ATRNL1: variants seen among roughly 807,000 people sequenced by gnomAD.
ATRNL1 encodes attractin like 1, also known as attractin-like protein 1.
A neutral mutation model predicts 182.7 loss-of-function variants in ATRNL1; 95 were observed. The observed-to-expected ratio is 0.52, with a 90% CI of 0.44 to 0.62. The LOEUF (loss-of-function observed/expected upper bound fraction) is 0.62, where lower values mean the gene tolerates loss of function less well. Ranked by LOEUF, ATRNL1 falls within the 20% of genes least tolerant of loss-of-function variation. The probability of loss-of-function intolerance (pLI) is 0.00; values close to 1 mark genes in which losing one functional copy is unlikely to be tolerated. For synonymous variants in ATRNL1, 576 were observed against 568.3 expected, an observed-to-expected ratio of 1.01 and a Z score of -0.19; for missense variants, 1,471 against 1,679.5, an observed-to-expected ratio of 0.88 and a Z score of 2.17.
At chr10:115,536,915 T>G (rs1205110507) in intron 25 of ATRNL1, among the ~76,000 whole-genome samples, 1 of 152,194 alleles carries the variant, frequency 6.6e-6, no homozygotes, top group Non-Finnish European at 1.5e-5. Context: ...GCCAAAAAGT[T>G]TTTTAAACAA....
At chr10:115,300,997 T>A (rs1554924301) in intron 16 of ATRNL1, among the ~76,000 whole-genome samples, 3 of 152,296 alleles carry the variant, frequency 2.0e-5, no homozygotes, top group African/African-American at 4.8e-5. Flanking sequence ...ATACAGTATA[T>A]GTGCTTTGTG....
intron 26 of ATRNL1, among the ~76,000 whole-genome samples, chr10:115,622,148 A>C (rs56158529): frequency 0.011 from 1,663 of 152,312 alleles, 30 homozygotes; most frequent in African/African-American, 0.038. Context: ...CTCCGAAGAC[A>C]CTGAGTTTAT....
intron 20 of ATRNL1, among the ~76,000 whole-genome samples, chr10:115,395,740 G>C (rs1554955363): frequency 6.6e-6 from 1 of 151,450 alleles, no homozygotes. Context: ...TTAGCATTTA[G>C]TTTTTATTCT....
chr10:115,885,559 T>C (rs1214467329), intron 28 of ATRNL1, among the ~76,000 whole-genome samples: 1 of 152,230 alleles, frequency 6.6e-6, no homozygotes, highest in Non-Finnish European at 1.5e-5. Flanking sequence ...TGCTAACATA[T>C]ATTCATCGTG....
At chr10:115,803,600 T>G (rs1034963326) in intron 27 of ATRNL1, among the ~76,000 whole-genome samples, 10 of 84,874 alleles carry the variant, frequency 1.2e-4, no homozygotes, top group East Asian at 3.0e-4. Context: ...TTTTTTTGTG[T>G]TTTTTTTTTA....
At chr10:115,361,644 G>C (rs782158077) in intron 19 of ATRNL1, among the ~76,000 whole-genome samples, 5 of 151,950 alleles carry the variant, frequency 3.3e-5, no homozygotes, top group African/African-American at 1.2e-4. Context: ...GAGAATCATA[G>C]AAAAATTGGA....
At chr10:115,617,923 G>A (rs1372384273) in intron 26 of ATRNL1, among the ~76,000 whole-genome samples, 3 of 152,164 alleles carry the variant, frequency 2.0e-5, no homozygotes, top group Admixed American at 2.0e-4. Context: ...TCTTGTGGAA[G>A]GTTATTGGAT....
chr10:115,666,545 A>G (rs921900380), intron 26 of ATRNL1, among the ~76,000 whole-genome samples: 4 of 152,182 alleles, frequency 2.6e-5, no homozygotes, highest in Admixed American at 2.0e-4. Flanking sequence ...CAAAACACAT[A>G]AAGAAATTAG....
chr10:115,437,514 A>G (rs1185947027), intron 21 of ATRNL1, among the ~76,000 whole-genome samples: 1 of 151,988 alleles, frequency 6.6e-6, no homozygotes, highest in Non-Finnish European at 1.5e-5. Flanking sequence ...CTGTTAAAAT[A>G]CTTGTACTTT....
At position 115,535,228 on chromosome 10, in the gene ATRNL1, G is replaced by T. The variant is rs1368549040; in HGVS notation, c.3717-14230G>T. ...TTTCCAACTTGGCTCCATTCTCCCC[G>T]TCACTTTCAGGTACACCGATCAGAC... On this transcript the variant is annotated intron_variant, in intron 25 of 28. Coordinates refer to ENST00000355044, the MANE Select transcript of ATRNL1 (RefSeq NM_207303.4). Among the ~76,000 whole-genome samples the T allele has an allele frequency of 2.0e-5, 3 of 152,188 alleles. No individual in the cohort carries two copies. The South Asian group carries it at 6.2e-4, about 32-fold the overall frequency.
intron 10 of ATRNL1, among the ~76,000 whole-genome samples, chr10:115,248,844 T>C (rs989102923): frequency 3.0e-4 from 45 of 152,186 alleles, no homozygotes; most frequent in African/African-American, 1.1e-3. Flanking sequence ...CATCCAGAAA[T>C]GTAATTTTCT....
chr10:115,153,336 G>C (rs1360230970), intron 5 of ATRNL1, among the ~76,000 whole-genome samples: 4 of 152,210 alleles, frequency 2.6e-5, no homozygotes, highest in Middle Eastern at 3.4e-3. Flanking sequence ...GGCTGTGAAT[G>C]TGTCTGGTCC....
chr10:115,360,376 A>G (rs1472234632), intron 19 of ATRNL1, among the ~76,000 whole-genome samples: 1 of 151,714 alleles, frequency 6.6e-6, no homozygotes, highest in African/African-American at 2.4e-5. Flanking sequence ...GAAAATACAA[A>G]CAGTTCCCCC....
At position 115,561,704 on chromosome 10, in the gene ATRNL1, G is replaced by GGGGTGTGTGTGT. The variant is rs1554999765; in HGVS notation, c.3795+12169_3795+12170insGGTGTGTGTGTG. On this transcript the variant is annotated intron_variant, in intron 26 of 28. Coordinates refer to ENST00000355044, the MANE Select transcript of ATRNL1 (RefSeq NM_207303.4). ...GTGTGTGTGTGGGTGTGTGTGTGTG[G>GGGGTGTGTGTGT]GTGTGTGTGTGTGTGTGTGTTTGTG... is the stretch of plus-strand genomic sequence containing the variant. 8.2e-3 allele frequency among the ~76,000 whole-genome samples: 1,195 copies of GGGGTGTGTGTGT among 145,020 alleles called. 7 individuals carry two copies. Among genetic ancestry groups the GGGGTGTGTGTGT allele is most frequent in the Middle Eastern group, 0.014 (4 of 284 alleles).
intron 8 of ATRNL1, among the ~76,000 whole-genome samples, chr10:115,195,179 A>G (rs1195319231): frequency 6.6e-6 from 1 of 152,016 alleles, no homozygotes; most frequent in African/African-American, 2.4e-5. Context: ...GTATGTTTGT[A>G]TATTTACTAT....
intron 24 of ATRNL1, among the ~76,000 whole-genome samples, chr10:115,482,400 A>C (rs1848810188): frequency 6.6e-6 from 1 of 151,064 alleles, no homozygotes. Context: ...TATGTAAGAT[A>C]ATGTAAATTG....
At chr10:115,534,980 G>C (rs1554989756) in intron 25 of ATRNL1, among the ~76,000 whole-genome samples, 6 of 152,182 alleles carry the variant, frequency 3.9e-5, no homozygotes. Context: ...GAGATCCGCT[G>C]TTAGTCTGAT....
At chr10:115,837,466 CCACACACACACACACACACACACACACA>C (rs71010052) in intron 27 of ATRNL1, among the ~76,000 whole-genome samples, 16 of 134,958 alleles carry the variant, frequency 1.2e-4, no homozygotes, top group East Asian at 2.2e-4. Context: ...GCTTCCCAAG[CCACACACACACACACACACACACACACA>C]CACACACACA....
Position 115,265,207 on chromosome 10 carries a change from A to G in ATRNL1, c.1702A>G (p.Lys568Glu). Reference sequence around the variant, plus strand: ...CTTTTTTCTAGCTTGTGATGAATGGAAAATACTACCAAAACCAAATCTTCA... The same window carrying G: ...CTTTTTTCTAGCTTGTGATGAATGGGAAATACTACCAAAACCAAATCTTCA... ...LAYDIACDEW[K>E]ILPKPNLHRD... The change falls in exon 11 of 29, where the codon AAA becomes GAA. Residue 568 changes from lysine (K) to glutamate (E), a missense_variant. By Grantham distance (56) the Lys-to-Glu change is moderately conservative. Coordinates refer to ENST00000355044, the MANE Select transcript of ATRNL1 (RefSeq NM_207303.4). 1 of 1,604,956 alleles carries G rather than the reference A, an allele frequency of 6.2e-7. No homozygotes were observed. The highest frequency in any genetic ancestry group is 8.5e-7 in the Non-Finnish European group (1 of 1,174,252).
Sources: allele counts gnomAD v4.1 joint callset (sites outside exome capture counted in the v4.1 genomes callset), GRCh38; gene constraint gnomAD v4.1.1; transcripts MANE v1.5; gene names NCBI Gene and HGNC (gene_info 2026-07-23, HGNC 2026-07-21).